The following SZRD1 variants were observed in gnomAD, a reference collection of about 807,000 sequenced individuals.
SZRD1 encodes SUZ RNA binding domain containing 1.
Under a neutral mutation model 17.6 loss-of-function variants are expected in SZRD1, and 7 were observed. That is an observed-to-expected ratio of 0.40 (90% CI 0.23 to 0.75). The LOEUF (loss-of-function observed/expected upper bound fraction) is 0.75, where lower values mean the gene tolerates loss of function less well. SZRD1 is among the 30% of genes least tolerant of loss of function. The pLI, the probability that SZRD1 is intolerant of heterozygous loss-of-function variation, is 0.38. For synonymous variants in SZRD1, 77 were observed against 77.9 expected (o/e 0.99, Z 0.06); for missense variants, 178 against 201.8 (o/e 0.88, Z 0.71).
chr1:16,376,153 G>A (rs1570005663), intron 1 of SZRD1, among the ~76,000 whole-genome samples: 1 of 152,174 alleles, frequency 6.6e-6, no homozygotes, highest in East Asian at 1.9e-4. Context: ...TCATGTGGTC[G>A]GTCCAGCCCT....
At chr1:16,387,929 T>C (rs2085154315) in intron 1 of SZRD1, 2 of 331,734 alleles carry the variant, frequency 6.0e-6, no homozygotes. Flanking sequence ...TCTGTGTGAG[T>C]GTCTGTGTTT....
chr1:16,380,190 C>T (rs1038014036), intron 1 of SZRD1, among the ~76,000 whole-genome samples: 4 of 152,120 alleles, frequency 2.6e-5, no homozygotes, highest in Non-Finnish European at 4.4e-5. Flanking sequence ...AAAAAATGGT[C>T]AGAGGCAGGC....
chr1:16,384,973 C>T lies in SZRD1; in HGVS notation c.52-6402C>T, dbSNP rs2083164497. 2.6e-5 allele frequency among the ~76,000 whole-genome samples: 4 copies of T among 152,132 alleles called. No homozygotes were observed. The South Asian group carries it at 6.2e-4, about 24-fold the overall frequency. On this transcript the variant is annotated intron_variant, in intron 1 of 3. Transcript: ENST00000401088. ...TGTTATTCTTTGAATTTGAGAGAAA[C>T]ATTGGAAATGTCATCTTCTGAAATG...
At position 16,393,373 on chromosome 1, in the gene SZRD1, C is replaced by A. The variant is rs374748424; in HGVS notation, c.247C>A (p.Leu83Ile). ...SSPNSTSRPT[L>I]PVKSLAQREA... ...CCCCAACTCCACCAGCAGGCCCACC[C>A]TTCCAGTCAAGTCCCTAGCACAGCG... The change falls in exon 3 of 4, where the codon CTT (leucine) becomes ATT (isoleucine). Residue 83 changes from leucine (L) to isoleucine (I), a missense_variant. Transcript: ENST00000401088. This position sits in a 1 kb window ranked among gnomAD's most constrained non-coding sequence, Gnocchi z 5.6. 38 of 1,614,104 alleles carry A rather than the reference C, an allele frequency of 2.4e-5. No individual in the cohort carries two copies. Among genetic ancestry groups the A allele is most frequent in the Non-Finnish European group, 3.0e-5 (35 of 1,180,058 alleles).
intron 1 of SZRD1, among the ~76,000 whole-genome samples, chr1:16,368,304 C>T (rs941594959): frequency 2.0e-5 from 3 of 152,082 alleles, no homozygotes; most frequent in African/African-American, 7.2e-5. Flanking sequence ...AGGAGTCGAG[C>T]GTACCAGGGT....
In SZRD1 at chr1:16,391,273, C is replaced by A; in HGVS notation, c.52-102C>A. 2 of 858,336 alleles carry A rather than the reference C, an allele frequency of 2.3e-6. No homozygotes were observed. The highest frequency in any genetic ancestry group is 3.7e-6 in the Non-Finnish European group (2 of 536,724). 53.2% of individuals were successfully genotyped at this position (858,336 alleles called of 1,614,324 possible). A position where few individuals can be genotyped will look rare whatever the true frequency, so the allele number is the denominator to read the frequency against. On this transcript the variant is annotated intron_variant, in intron 1 of 3. Transcript: ENST00000401088. The surrounding 1 kb of genome is among the most constrained non-coding windows in gnomAD (Gnocchi z 4.3). ...TTATGTTGAAGGACACAGTCATGTC[C>A]CTGGCTAGAGAAAGGACACTGCCCT... is the stretch of plus-strand genomic sequence containing the variant.
intron 1 of SZRD1, among the ~76,000 whole-genome samples, chr1:16,373,593 A>C (rs1028876355): frequency 1.3e-5 from 2 of 151,728 alleles, no homozygotes; most frequent in South Asian, 2.1e-4. Context: ...AAAAAAAAAA[A>C]AACAAAACAC....
intron 1 of SZRD1, among the ~76,000 whole-genome samples, chr1:16,375,407 C>T (rs61770591): frequency 0.084 from 12,738 of 152,046 alleles, 701 homozygotes; most frequent in Non-Finnish European, 0.12. Flanking sequence ...CTCTGCCTTC[C>T]GGGTTCAAGC....
At chr1:16,392,726 C>T (rs1158252049) in intron 2 of SZRD1, among the ~76,000 whole-genome samples, 9 of 152,112 alleles carry the variant, frequency 5.9e-5, no homozygotes, top group Non-Finnish European at 1.2e-4. Context: ...GCAGGGATGG[C>T]GTAGTGGGCT....
In SZRD1 at chr1:16,369,482, GCTT is replaced by G. The variant is rs1021946523; in HGVS notation, c.51+2178_51+2180del. 9.2e-6 allele frequency: 9 copies of G among 980,030 alleles called. No individual in the cohort carries two copies. The Admixed American group carries it at 1.4e-4, about 15-fold the overall frequency. The allele number at this position is 980,030 out of a possible 1,614,324, so 60.7% of individuals were successfully genotyped here. ...CATTCAAGAGTGAACTTCAGAACCT[GCTT>G]CTTTTTTTTGCCCCCCTTCACCACA... On this transcript the variant is annotated intron_variant, in intron 1 of 3. Coordinates refer to ENST00000401088, the MANE Select transcript of SZRD1 (RefSeq NM_001114600.3).
At chr1:16,374,058 CA>C (rs200437858) in intron 1 of SZRD1, among the ~76,000 whole-genome samples, 1,657 of 151,992 alleles carry the variant, frequency 0.011, 31 homozygotes, top group African/African-American at 0.037. Flanking sequence ...AACAAAACAA[CA>C]AAAAAAGGCT....
At chr1:16,377,696 C>T (rs1233386334) in intron 1 of SZRD1, among the ~76,000 whole-genome samples, 1 of 152,120 alleles carries the variant, frequency 6.6e-6, no homozygotes, top group African/African-American at 2.4e-5. Flanking sequence ...AAATCACTAC[C>T]TACCCTTCTG....
intron 1 of SZRD1, among the ~76,000 whole-genome samples, chr1:16,371,540 C>T (rs2082914538): frequency 6.6e-6 from 1 of 150,654 alleles, no homozygotes; most frequent in Non-Finnish European, 1.5e-5. Flanking sequence ...CGGCTCATTG[C>T]AAGCTCCGCC....
At chr1:16,371,522 C>T (rs945497061) in intron 1 of SZRD1, among the ~76,000 whole-genome samples, 2 of 147,416 alleles carry the variant, frequency 1.4e-5, no homozygotes, top group African/African-American at 2.5e-5. Flanking sequence ...AGTGCAGTGG[C>T]GCAATCTCGG....
At chr1:16,390,335 G>C (rs1459123061) in intron 1 of SZRD1, among the ~76,000 whole-genome samples, 1 of 152,214 alleles carries the variant, frequency 6.6e-6, no homozygotes, top group Non-Finnish European at 1.5e-5. Flanking sequence ...GATGGGCTGA[G>C]GGCTCAGACT....
intron 1 of SZRD1, among the ~76,000 whole-genome samples, chr1:16,390,368 C>G (rs2085202725): frequency 6.6e-6 from 1 of 152,218 alleles, no homozygotes; most frequent in Admixed American, 6.5e-5. Flanking sequence ...ATGTCCTGCT[C>G]AGGGCTTGAA....
rs60329093 is a variant in SZRD1, at chr1:16,370,226, T to C, written c.51+2918T>C. On this transcript the variant is annotated intron_variant, in intron 1 of 3. Coordinates refer to ENST00000401088, the MANE Select transcript of SZRD1 (RefSeq NM_001114600.3). The stretch of plus-strand genomic sequence containing the variant: ...GGGAATTGGGTGTTCTTTCTTTTCC[T>C]TTTTTTTTTTTTTGTTTGAGAGAAG... Among the ~76,000 whole-genome samples, 305 of 86,056 alleles carry C rather than the reference T, an allele frequency of 3.5e-3. 2 individuals carry two copies. Among genetic ancestry groups the C allele is most frequent in the Middle Eastern group, 0.011 (2 of 178 alleles). 56.5% of individuals were successfully genotyped at this position (86,056 alleles called of 152,430 possible).
At chr1:16,375,592 C>T (rs571588113) in intron 1 of SZRD1, among the ~76,000 whole-genome samples, 2 of 152,130 alleles carry the variant, frequency 1.3e-5, no homozygotes, top group African/African-American at 2.4e-5. Flanking sequence ...GGATTACAGG[C>T]GTGAGCCACC....
chr1:16,375,004 A>G (rs980011315), intron 1 of SZRD1, among the ~76,000 whole-genome samples: 2 of 151,852 alleles, frequency 1.3e-5, no homozygotes, highest in African/African-American at 2.4e-5. Flanking sequence ...CAGCCTCCCA[A>G]GTAGCTGGGA....
Sources: allele counts gnomAD v4.1 joint callset (sites outside exome capture counted in the v4.1 genomes callset), GRCh38; gene constraint gnomAD v4.1.1; non-coding constraint Gnocchi (gnomAD v3.1); transcripts MANE v1.5; gene names NCBI Gene and HGNC (gene_info 2026-07-23, HGNC 2026-07-21).